AGAP1: variants seen among roughly 807,000 people sequenced by gnomAD.
The protein encoded by AGAP1 is arf-GAP with GTPase, ANK repeat and PH domain-containing protein 1.
In AGAP1, 29 loss-of-function variants were observed where a neutral mutation model predicts 105.3. The observed-to-expected ratio is 0.28, with a 90% CI of 0.21 to 0.38. The LOEUF (loss-of-function observed/expected upper bound fraction) is 0.38. AGAP1 is among the 10% of genes least tolerant of loss of function. The pLI, the probability that AGAP1 is intolerant of heterozygous loss-of-function variation, is 1.00. For synonymous variants in AGAP1, 509 were observed against 485.9 expected, an observed-to-expected ratio of 1.05 and a Z score of -0.63; for missense variants, 998 against 1,165.1, an observed-to-expected ratio of 0.86 and a Z score of 2.09.
At chr2:235,829,247 GGA>G (rs879314409) in intron 9 of AGAP1, among the ~76,000 whole-genome samples, 2 of 151,910 alleles carry the variant, frequency 1.3e-5, no homozygotes, top group Non-Finnish European at 2.9e-5. Context: ...TTCGTTTTCT[GGA>G]GAGAGAGAGA....
chr2:235,803,009 G>A (rs1957625593), intron 8 of AGAP1, among the ~76,000 whole-genome samples: 1 of 151,234 alleles, frequency 6.6e-6, no homozygotes, highest in Non-Finnish European at 1.5e-5. Flanking sequence ...TGATGGTTGT[G>A]GTTGTGATGG....
In AGAP1 at chr2:235,553,917, G is replaced by A. The variant is rs185889172; in HGVS notation, c.163+59068G>A. 1.3e-5 allele frequency among the ~76,000 whole-genome samples: 2 copies of A among 152,216 alleles called. No homozygotes were observed. Among genetic ancestry groups the A allele is most frequent in the Admixed American group, 6.5e-5 (1 of 15,292 alleles). ...TTGCCTCCGCCTCCCACCCCACCCC[G>A]TGGTGCGGCGTGTGCCAAGACCAGC... On this transcript the variant is annotated intron_variant, in intron 1 of 17. Transcript: ENST00000304032. This position sits in a 1 kb window ranked among gnomAD's most constrained non-coding sequence, Gnocchi z 4.5.
In AGAP1 at chr2:235,574,191, A is replaced by C. The variant is rs1297960650; in HGVS notation, c.163+79342A>C. On this transcript the variant is annotated intron_variant, in intron 1 of 17. Transcript: ENST00000304032. This position sits in a 1 kb window ranked among gnomAD's most constrained non-coding sequence, Gnocchi z 5.0. ...AGCTGTGACTGCATTCTGGCACCTG[A>C]AGCATCTGGGCCTGGACGGACTCTT... 1.3e-5 allele frequency among the ~76,000 whole-genome samples: 2 copies of C among 152,166 alleles called. No homozygotes were observed. Among genetic ancestry groups the C allele is most frequent in the African/African-American group, 2.4e-5 (1 of 41,432 alleles).
At chr2:235,946,871 C>T (rs936113138) in intron 12 of AGAP1, among the ~76,000 whole-genome samples, 1 of 152,194 alleles carries the variant, frequency 6.6e-6, no homozygotes, top group Admixed American at 6.5e-5. Context: ...CCCCTCCCCA[C>T]CCTTGTGTCC....
intron 16 of AGAP1, among the ~76,000 whole-genome samples, chr2:236,118,862 CAG>C (rs2059835178): frequency 6.6e-6 from 1 of 152,074 alleles, no homozygotes; most frequent in South Asian, 2.1e-4. Context: ...AGCGGTGCTG[CAG>C]AGTCTTGAGT....
At chr2:235,795,561 T>A (rs1957207054) in intron 6 of AGAP1, among the ~76,000 whole-genome samples, 1 of 152,166 alleles carries the variant, frequency 6.6e-6, no homozygotes, top group Non-Finnish European at 1.5e-5. Context: ...ATTCAAGCAG[T>A]CCGTATATTT....
rs2051270516 is a variant in AGAP1, at chr2:235,905,669, T to G, written c.1156-3069T>G. 6.6e-6 allele frequency among the ~76,000 whole-genome samples: 1 copy of G among 152,156 alleles called. No homozygotes were observed. The highest frequency in any genetic ancestry group is 2.4e-5 in the African/African-American group (1 of 41,442). Reference sequence around the variant, plus strand: ...CACACGCCACCACACCTGGCTAATTTTGTATTTTTAGTAGAGCAGGCATTT... The same window carrying G: ...CACACGCCACCACACCTGGCTAATTGTGTATTTTTAGTAGAGCAGGCATTT... On this transcript the variant is annotated intron_variant, in intron 10 of 17. Coordinates refer to ENST00000304032, the MANE Select transcript of AGAP1 (RefSeq NM_001037131.3). The surrounding 1 kb of genome is among the most constrained non-coding windows in gnomAD (Gnocchi z 4.2).
chr2:235,605,065 G>T (rs1945881823), intron 1 of AGAP1, among the ~76,000 whole-genome samples: 1 of 151,704 alleles, frequency 6.6e-6, no homozygotes, highest in African/African-American at 2.4e-5. Context: ...TTTTAGTAGA[G>T]ATGGGTTTCA....
chr2:236,034,058 T>C (rs572037466), intron 13 of AGAP1, among the ~76,000 whole-genome samples: 2 of 152,330 alleles, frequency 1.3e-5, no homozygotes, highest in Admixed American at 1.3e-4. Flanking sequence ...CTGTGAGTTA[T>C]GTAGTTTTTT....
chr2:235,601,539 C>A lies in AGAP1; in HGVS notation c.163+106690C>A, dbSNP rs2316907. 1.3e-5 allele frequency among the ~76,000 whole-genome samples: 2 copies of A among 151,754 alleles called. No homozygotes were observed. Among genetic ancestry groups the A allele is most frequent in the South Asian group, 4.3e-4 (2 of 4,626 alleles). Reference sequence around the variant, plus strand: ...GGGCAGGCAAGAGAGCTTGCTCAGGCGAACTCCCGTTTATAAAACCATCAG... The same window carrying A: ...GGGCAGGCAAGAGAGCTTGCTCAGGAGAACTCCCGTTTATAAAACCATCAG... On this transcript the variant is annotated intron_variant, in intron 1 of 17. Coordinates refer to ENST00000304032, the MANE Select transcript of AGAP1 (RefSeq NM_001037131.3). This position sits in a 1 kb window ranked among gnomAD's most constrained non-coding sequence, Gnocchi z 4.4.
chr2:235,928,490 T>G (rs2052562878), intron 11 of AGAP1, among the ~76,000 whole-genome samples: 1 of 152,050 alleles, frequency 6.6e-6, no homozygotes, highest in Admixed American at 6.5e-5. Flanking sequence ...CACCCTCCTC[T>G]CTCCTTTAGA....
At chr2:235,511,704 T>C (rs904719301) in intron 1 of AGAP1, among the ~76,000 whole-genome samples, 4 of 152,144 alleles carry the variant, frequency 2.6e-5, no homozygotes, top group Non-Finnish European at 5.9e-5. Context: ...AGAGTTCCCC[T>C]GGCAGTTCTT....
Position 235,960,762 on chromosome 2 carries a change from C to T in AGAP1, c.1484-7700C>T, listed in dbSNP as rs373418853. On this transcript the variant is annotated intron_variant, in intron 12 of 17. Coordinates refer to ENST00000304032, the MANE Select transcript of AGAP1 (RefSeq NM_001037131.3). This position sits in a 1 kb window ranked among gnomAD's most constrained non-coding sequence, Gnocchi z 4.9. Reference sequence around the variant, plus strand: ...CTGACAGCGGCCAGCTCCTAGGGCACGCTTGGTGCGTGGGGACACTCAACA... The same window carrying T: ...CTGACAGCGGCCAGCTCCTAGGGCATGCTTGGTGCGTGGGGACACTCAACA... Among the ~76,000 whole-genome samples the T allele has an allele frequency of 3.2e-4, 48 of 152,256 alleles. 1 individual carries two copies. In the East Asian group the frequency reaches 4.4e-3, roughly 14 times the overall value.
chr2:236,066,376 C>T (rs1452854955), intron 16 of AGAP1, among the ~76,000 whole-genome samples: 1 of 152,154 alleles, frequency 6.6e-6, no homozygotes, highest in African/African-American at 2.4e-5. Flanking sequence ...CAGACACCTG[C>T]CACCACGCCC....
intron 10 of AGAP1, among the ~76,000 whole-genome samples, chr2:235,886,375 C>G (rs148337935): frequency 2.6e-5 from 4 of 152,384 alleles, no homozygotes; most frequent in African/African-American, 4.8e-5. Flanking sequence ...TTTGCTGCTT[C>G]TTGCCAAGGG....
chr2:235,666,269 T>G (rs1948124432), intron 1 of AGAP1, among the ~76,000 whole-genome samples: 1 of 152,052 alleles, frequency 6.6e-6, no homozygotes, highest in African/African-American at 2.4e-5. Context: ...GAAATGGCAG[T>G]CTAGTGTTTA....
At chr2:235,573,560 CTAT>C (rs3056004) in intron 1 of AGAP1, among the ~76,000 whole-genome samples, 11,247 of 152,174 alleles carry the variant, frequency 0.074, 1,182 homozygotes, top group East Asian at 0.32. Context: ...ATTATAGTTA[CTAT>C]TATTAAAACT....
intron 14 of AGAP1, among the ~76,000 whole-genome samples, chr2:236,037,757 T>C (rs1387678572): frequency 6.6e-6 from 1 of 152,188 alleles, no homozygotes; most frequent in Non-Finnish European, 1.5e-5. Flanking sequence ...TCTACAAAAG[T>C]CCTTTTTCCC....
Position 235,663,920 on chromosome 2 carries a change from T to G in AGAP1, c.164-45259T>G, listed in dbSNP as rs1448095023. On this transcript the variant is annotated intron_variant, in intron 1 of 17. Coordinates refer to ENST00000304032, the MANE Select transcript of AGAP1 (RefSeq NM_001037131.3). This position sits in a 1 kb window ranked among gnomAD's most constrained non-coding sequence, Gnocchi z 5.4. ...CCAATACTAGGAAGATTAGATAATG[T>G]GTAGGGATTTCTTGGTTTTTCTGCA... Among the ~76,000 whole-genome samples the G allele has an allele frequency of 6.6e-6, 1 of 152,152 alleles. No individual in the cohort carries two copies. Among genetic ancestry groups the G allele is most frequent in the East Asian group, 1.9e-4 (1 of 5,184 alleles).
Sources: allele counts gnomAD v4.1 joint callset (sites outside exome capture counted in the v4.1 genomes callset), GRCh38; gene constraint gnomAD v4.1.1; non-coding constraint Gnocchi (gnomAD v3.1); transcripts MANE v1.5; gene names NCBI Gene and HGNC (gene_info 2026-07-23, HGNC 2026-07-21).